Variants in CMIP observed in about 807,000 individuals in gnomAD.
CMIP encodes the protein c-Maf inducing protein.
A neutral mutation model predicts 97.3 loss-of-function variants in CMIP; 13 were observed. The ratio of observed to expected loss-of-function variants is 0.13; its 90% CI spans 0.09 to 0.21. The LOEUF is 0.21. Ranked by LOEUF, CMIP falls within the 10% of genes least tolerant of loss-of-function variation. The pLI is 1.00. For synonymous variants in CMIP, 538 were observed against 436.3 expected (o/e 1.23, Z -2.91); for missense variants, 847 against 1,024.9 (o/e 0.83, Z 2.37).
chr16:81,668,806 TCACACCCACCTCACACTCACTGCCTTC>T (rs1180325224), intron 7 of CMIP, among the ~76,000 whole-genome samples: 88 of 108,096 alleles, frequency 8.1e-4, no homozygotes, highest in African/African-American at 2.5e-3. Context: ...ACACATCCAT[TCACACCCACCTCACACTCACTGCCTTC>T]CACACCCACC....
chr16:81,696,690 G>C, intron 14 of CMIP, 23 bp downstream of exon 14: 1 of 1,598,244 alleles, frequency 6.3e-7, no homozygotes. Flanking sequence ...ACCCCAGTGG[G>C]GTGACTTCCA....
At chr16:81,517,896 T>G in intron 1 of CMIP, 1 of 981,092 alleles carries the variant, frequency 1.0e-6, no homozygotes, top group Non-Finnish European at 1.2e-6. Flanking sequence ...AGACATCTCT[T>G]TTCAATGTGG....
chr16:81,584,713 A>G (rs2091351991), intron 1 of CMIP, among the ~76,000 whole-genome samples: 1 of 152,192 alleles, frequency 6.6e-6, no homozygotes, highest in South Asian at 2.1e-4. Context: ...CGAATTATCA[A>G]CACATCGTGA....
At chr16:81,594,780 ATTTTTT>A (rs570057427) in intron 1 of CMIP, among the ~76,000 whole-genome samples, 4 of 115,050 alleles carry the variant, frequency 3.5e-5, no homozygotes, top group African/African-American at 1.4e-4. Flanking sequence ...CGCCCAGCTA[ATTTTTT>A]TTTTTTTTTT....
At chr16:81,583,515 C>T (rs1159965966) in intron 1 of CMIP, among the ~76,000 whole-genome samples, 4 of 152,186 alleles carry the variant, frequency 2.6e-5, no homozygotes, top group Middle Eastern at 3.2e-3. Context: ...GGGCAGAGAG[C>T]GGGACCAGCA....
At chr16:81,525,996 G>C (rs1280303792) in intron 1 of CMIP, among the ~76,000 whole-genome samples, 1 of 32,698 alleles carries the variant, frequency 3.1e-5, no homozygotes, top group South Asian at 1.3e-3. Flanking sequence ...GTGTGTGTGT[G>C]TGTGTGTGTG....
At chr16:81,625,603 G>C (rs769444797) in intron 3 of CMIP, among the ~76,000 whole-genome samples, 2 of 152,254 alleles carry the variant, frequency 1.3e-5, no homozygotes, top group Non-Finnish European at 2.9e-5. Context: ...GAGAAGATTG[G>C]CCTGTTTCTG....
chr16:81,547,156 A>G (rs1251996190), intron 1 of CMIP, among the ~76,000 whole-genome samples: 1 of 152,162 alleles, frequency 6.6e-6, no homozygotes, highest in Non-Finnish European at 1.5e-5. Flanking sequence ...AGTGAGGAGG[A>G]TCTGGGGCAG....
At chr16:81,668,279 C>T (rs1208297974) in intron 7 of CMIP, among the ~76,000 whole-genome samples, 1 of 152,120 alleles carries the variant, frequency 6.6e-6, no homozygotes, top group Non-Finnish European at 1.5e-5. Flanking sequence ...TCCTGGGTGG[C>T]CAGACACAGC....
chr16:81,689,926 T>G (rs758801454), intron 10 of CMIP, among the ~76,000 whole-genome samples: 3 of 152,178 alleles, frequency 2.0e-5, no homozygotes, highest in African/African-American at 2.4e-5. Context: ...TTTCCCCATT[T>G]CTTGTTTTTA....
chr16:81,517,156 G>A (rs529806980), intron 1 of CMIP, among the ~76,000 whole-genome samples: 56 of 149,922 alleles, frequency 3.7e-4, no homozygotes, highest in African/African-American at 1.2e-3. Flanking sequence ...GGTCATCGGT[G>A]AAACCCAGAC....
chr16:81,532,014 T>G (rs2090246396), intron 1 of CMIP, among the ~76,000 whole-genome samples: 1 of 152,232 alleles, frequency 6.6e-6, no homozygotes, highest in South Asian at 2.1e-4. Context: ...TCATGGCGCT[T>G]CTTCTGGATG....
intron 3 of CMIP, among the ~76,000 whole-genome samples, chr16:81,644,879 T>C (rs917397488): frequency 1.3e-5 from 2 of 152,106 alleles, no homozygotes; most frequent in Admixed American, 1.3e-4. Flanking sequence ...AAGGGCCCTT[T>C]CCTCGGGCCG....
intron 1 of CMIP, among the ~76,000 whole-genome samples, chr16:81,487,557 G>A (rs2089337841): frequency 6.6e-6 from 1 of 152,208 alleles, no homozygotes; most frequent in Non-Finnish European, 1.5e-5. Context: ...CTCTCCCAAG[G>A]CGAAGGAAGC....
chr16:81,546,241 A>G (rs1015104687), intron 1 of CMIP, among the ~76,000 whole-genome samples: 1 of 152,182 alleles, frequency 6.6e-6, no homozygotes, highest in African/African-American at 2.4e-5. Context: ...TCAAGAGAAG[A>G]CAGACTTGCC....
chr16:81,541,591 C>T (rs963086101), intron 1 of CMIP, among the ~76,000 whole-genome samples: 22 of 152,196 alleles, frequency 1.4e-4, no homozygotes, highest in African/African-American at 5.1e-4. Flanking sequence ...TTGAAGATTA[C>T]ATAAACTTAT....
chr16:81,675,370 ATT>A (rs35314200), intron 9 of CMIP, among the ~76,000 whole-genome samples: 13,240 of 123,706 alleles, frequency 0.11, 515 homozygotes, highest in Non-Finnish European at 0.12. Flanking sequence ...CACCTGGCTA[ATT>A]TTTTTTTTTT....
At chr16:81,593,857 G>A (rs757788091) in intron 1 of CMIP, among the ~76,000 whole-genome samples, 6 of 152,116 alleles carry the variant, frequency 3.9e-5, no homozygotes, top group African/African-American at 9.7e-5. Flanking sequence ...TGCTGAGCAC[G>A]CCACATGCCC....
chr16:81,509,827 C>T (rs1273863832), intron 1 of CMIP, among the ~76,000 whole-genome samples: 1 of 152,204 alleles, frequency 6.6e-6, no homozygotes, highest in East Asian at 1.9e-4. Flanking sequence ...TCCTGTCTCC[C>T]TTAACCAGGG....
Sources: gnomAD v4.1 joint callset for allele counts (sites outside exome capture counted in the v4.1 genomes callset) on GRCh38, gnomAD v4.1.1 for gene constraint, MANE v1.5 for transcripts, NCBI Gene and HGNC (gene_info 2026-07-23, HGNC 2026-07-21) for gene names.